The following ORC4 variants were observed in gnomAD, a reference collection of about 807,000 sequenced individuals.
The protein encoded by ORC4 is origin recognition complex subunit 4.
A neutral mutation model predicts 63.9 loss-of-function variants in ORC4; 55 were observed. The ratio of observed to expected loss-of-function variants is 0.86; its 90% CI spans 0.69 to 1.08. The LOEUF (loss-of-function observed/expected upper bound fraction) is 1.08. Among genes scored for constraint, ORC4 ranks in the 50% least tolerant of loss-of-function variants. The pLI is 0.00. For missense variants in ORC4, 511 were observed against 504.4 expected, an observed-to-expected ratio of 1.01 and a Z score of -0.13; for synonymous variants, 150 against 168.5, an observed-to-expected ratio of 0.89 and a Z score of 0.85.
chr2:147,950,552 G>C (rs1170565191), intron 8 of ORC4, among the ~76,000 whole-genome samples: 1 of 152,074 alleles, frequency 6.6e-6, no homozygotes, highest in Non-Finnish European at 1.5e-5. Flanking sequence ...AGATCACGAG[G>C]TCAGGAGTTC....
At position 147,973,650 on chromosome 2, in the gene ORC4, C is replaced by T. The variant is rs182362732; in HGVS notation, c.58-126G>A. On this transcript the variant is annotated intron_variant, in intron 2 of 13. Coordinates refer to ENST00000392857, the MANE Select transcript of ORC4 (RefSeq NM_181741.4). Reference sequence around the variant, plus strand: ...GAATCAATTCAACCCTCCCTAAATTCTTATCCTCTAGAGTTCTGGCACCAT... The same window carrying T: ...GAATCAATTCAACCCTCCCTAAATTTTTATCCTCTAGAGTTCTGGCACCAT... 16 of 612,218 alleles carry T rather than the reference C, an allele frequency of 2.6e-5. No individual in the cohort carries two copies. The East Asian group carries it at 4.4e-4, about 17-fold the overall frequency. The allele number at this position is 612,218 out of a possible 1,614,324, so 37.9% of individuals were successfully genotyped here.
chr2:147,971,923 T>A (rs955516664), intron 4 of ORC4, among the ~76,000 whole-genome samples: 1 of 152,128 alleles, frequency 6.6e-6, no homozygotes, highest in African/African-American at 2.4e-5. Context: ...CGTACTCATC[T>A]TAATAATGTA....
chr2:147,950,183 G>T (rs1688874864), intron 8 of ORC4, among the ~76,000 whole-genome samples: 1 of 152,104 alleles, frequency 6.6e-6, no homozygotes, highest in African/African-American at 2.4e-5. Flanking sequence ...TTTCTATTAA[G>T]AAAGAGTTCT....
chr2:147,937,732 C>T (rs1688130570), intron 13 of ORC4, among the ~76,000 whole-genome samples: 1 of 152,274 alleles, frequency 6.6e-6, no homozygotes. Context: ...ACTCATGACT[C>T]AGCCCCCAAA....
intron 1 of ORC4, among the ~76,000 whole-genome samples, chr2:147,996,265 C>T (rs1276668972): frequency 6.6e-6 from 1 of 152,090 alleles, no homozygotes; most frequent in East Asian, 1.9e-4. Context: ...GATTGTGCCA[C>T]TGCACTCAAG....
chr2:148,017,310 T>C (rs568231386), intron 1 of ORC4, among the ~76,000 whole-genome samples: 62 of 152,386 alleles, frequency 4.1e-4, no homozygotes, highest in African/African-American at 1.4e-3. Context: ...ATGGTGTTTA[T>C]ACAACATTAC....
At chr2:147,965,247 C>T (rs1421674051) in intron 4 of ORC4, among the ~76,000 whole-genome samples, 1 of 151,778 alleles carries the variant, frequency 6.6e-6, no homozygotes, top group Admixed American at 6.6e-5. Context: ...TATGAAACAA[C>T]CAGAAAACAA....
At chr2:148,021,338 A>C, upstream of ORC4, 1 of 368,062 alleles carries the variant, frequency 2.7e-6, no homozygotes, top group Non-Finnish European at 5.4e-6. Context: ...ACCCCCATCC[A>C]CGACTCCTAC....
chr2:147,967,507 GA>G (rs889618584), intron 4 of ORC4, among the ~76,000 whole-genome samples: 52 of 144,060 alleles, frequency 3.6e-4, no homozygotes, highest in South Asian at 4.3e-4. Flanking sequence ...CAAACTACCC[GA>G]AAAAAAAAAA....
chr2:148,013,814 G>A (rs1448327428), intron 1 of ORC4, among the ~76,000 whole-genome samples: 1 of 152,068 alleles, frequency 6.6e-6, no homozygotes, highest in Non-Finnish European at 1.5e-5. Context: ...AAGACAATTA[G>A]GGTTTTATTT....
intron 1 of ORC4, among the ~76,000 whole-genome samples, chr2:147,991,667 A>G (rs1036572499): frequency 6.6e-5 from 10 of 152,158 alleles, no homozygotes; most frequent in African/African-American, 2.4e-4. Context: ...CGTCTCTACT[A>G]AAAATACAAA....
intron 13 of ORC4, among the ~76,000 whole-genome samples, chr2:147,937,787 T>G (rs1688133508): frequency 6.6e-6 from 1 of 152,146 alleles, no homozygotes; most frequent in South Asian, 2.1e-4. Context: ...AGATTTTGTC[T>G]TTTAAGTTTC....
chr2:148,015,285 G>A (rs998422304), intron 1 of ORC4, among the ~76,000 whole-genome samples: 6 of 150,118 alleles, frequency 4.0e-5, no homozygotes, highest in Non-Finnish European at 7.4e-5. Context: ...TGCATTGTTG[G>A]AATTTGCCAT....
chr2:148,000,823 A>G (rs549042159), intron 1 of ORC4, among the ~76,000 whole-genome samples: 40 of 152,280 alleles, frequency 2.6e-4, no homozygotes, highest in African/African-American at 9.4e-4. Context: ...AACTATACAA[A>G]TGCTCAATGG....
At chr2:148,010,186 G>A (rs1692867971) in intron 1 of ORC4, among the ~76,000 whole-genome samples, 1 of 151,974 alleles carries the variant, frequency 6.6e-6, no homozygotes, top group Non-Finnish European at 1.5e-5. Context: ...ATGAGATACA[G>A]TTAAAGCTAA....
chr2:148,018,208 T>C (rs1693430666), intron 1 of ORC4, among the ~76,000 whole-genome samples: 1 of 152,228 alleles, frequency 6.6e-6, no homozygotes, highest in Admixed American at 6.5e-5. Context: ...CGGTAAGTTT[T>C]TGAAAAAGTG....
chr2:147,985,692 A>G (rs1691160666), intron 1 of ORC4, among the ~76,000 whole-genome samples: 1 of 152,200 alleles, frequency 6.6e-6, no homozygotes, highest in Non-Finnish European at 1.5e-5. Context: ...ACTGTTTTTT[A>G]GACTAACATA....
chr2:147,995,693 C>T (rs1039379843), intron 1 of ORC4, among the ~76,000 whole-genome samples: 2 of 152,004 alleles, frequency 1.3e-5, no homozygotes, highest in African/African-American at 4.8e-5. Context: ...CTGCGAAGGT[C>T]CGCTGCTTCA....
intron 7 of ORC4, 29 bp downstream of exon 7, chr2:147,955,318 C>T (rs369955534): frequency 2.3e-5 from 35 of 1,503,164 alleles, no homozygotes; most frequent in Non-Finnish European, 2.9e-5. Context: ...AACAGATCTT[C>T]TGAAACGGCT....
Sources: allele counts gnomAD v4.1 joint callset (sites outside exome capture counted in the v4.1 genomes callset), GRCh38; gene constraint gnomAD v4.1.1; transcripts MANE v1.5; gene names NCBI Gene and HGNC (gene_info 2026-07-23, HGNC 2026-07-21).